Variants in KCNQ5 observed in about 807,000 individuals in gnomAD.
The protein encoded by KCNQ5 is potassium voltage-gated channel subfamily KQT member 5.
A neutral mutation model predicts 98.2 loss-of-function variants in KCNQ5; 30 were observed. The ratio of observed to expected loss-of-function variants is 0.31; its 90% CI spans 0.23 to 0.41. The LOEUF is 0.41. KCNQ5 is among the 10% of genes least tolerant of loss of function. The probability of loss-of-function intolerance (pLI) is 1.00; values close to 1 mark genes in which losing one functional copy is unlikely to be tolerated. For missense variants in KCNQ5, 835 were observed against 1,182.5 expected (o/e 0.71, Z 4.31); for synonymous variants, 458 against 449.4 (o/e 1.02, Z -0.24).
chr6:72,885,988 A>C (rs1359871309), intron 1 of KCNQ5, among the ~76,000 whole-genome samples: 1 of 152,212 alleles, frequency 6.6e-6, no homozygotes, highest in African/African-American at 2.4e-5. Context: ...CCCCAAACCT[A>C]AGTTCACACC....
intron 1 of KCNQ5, among the ~76,000 whole-genome samples, chr6:72,863,463 G>A (rs914490418): frequency 6.6e-6 from 1 of 152,056 alleles, no homozygotes; most frequent in Non-Finnish European, 1.5e-5. Context: ...TCCTGTTTTT[G>A]CATAAGATTG....
intron 1 of KCNQ5, among the ~76,000 whole-genome samples, chr6:72,685,609 T>TA (rs1324323653): frequency 1.3e-5 from 2 of 152,220 alleles, no homozygotes; most frequent in Non-Finnish European, 2.9e-5. Flanking sequence ...TATCATATCA[T>TA]ACACACTGTA....
chr6:72,987,110 T>G, intron 1 of KCNQ5: 1 of 656,986 alleles, frequency 1.5e-6, no homozygotes, highest in Admixed American at 2.4e-5. Flanking sequence ...GGCTCCGGAA[T>G]ACATCCATCC....
intron 1 of KCNQ5, among the ~76,000 whole-genome samples, chr6:72,650,299 A>G (rs1169438434): frequency 6.6e-6 from 1 of 152,160 alleles, no homozygotes; most frequent in Non-Finnish European, 1.5e-5. Flanking sequence ...AGTAACCAAT[A>G]TAAATAGGTA....
At chr6:72,787,357 A>G (rs563380298) in intron 1 of KCNQ5, among the ~76,000 whole-genome samples, 1 of 152,214 alleles carries the variant, frequency 6.6e-6, no homozygotes, top group Non-Finnish European at 1.5e-5. Flanking sequence ...TAGTTACAAC[A>G]GAGACCATAT....
intron 1 of KCNQ5, among the ~76,000 whole-genome samples, chr6:72,996,808 C>A (rs1381638384): frequency 6.6e-6 from 1 of 152,122 alleles, no homozygotes; most frequent in Non-Finnish European, 1.5e-5. Context: ...ACAAACTGGG[C>A]AAACGTAAAG....
intron 1 of KCNQ5, among the ~76,000 whole-genome samples, chr6:72,760,051 G>A (rs1772182483): frequency 6.6e-6 from 1 of 152,136 alleles, no homozygotes; most frequent in Admixed American, 6.6e-5. Flanking sequence ...GAAACATTCA[G>A]CATTTCTTCC....
In KCNQ5 at chr6:72,761,887, T is replaced by G. The variant is rs140279038; in HGVS notation, c.398+139300T>G. On this transcript the variant is annotated intron_variant, in intron 1 of 13. Coordinates refer to ENST00000370398, the MANE Select transcript of KCNQ5 (RefSeq NM_019842.4). Reference sequence around the variant, plus strand: ...GTAGTGGCTAGAAACAAACCTTTGATACGTAGAAGTCCCCCAGATTCCTAG... The same window carrying G: ...GTAGTGGCTAGAAACAAACCTTTGAGACGTAGAAGTCCCCCAGATTCCTAG... Among the ~76,000 whole-genome samples the G allele has an allele frequency of 4.1e-3, 622 of 152,184 alleles. 6 individuals are homozygous for G. The highest frequency in any genetic ancestry group is 0.013 in the African/African-American group (530 of 41,550).
chr6:72,768,269 A>T (rs569984381), intron 1 of KCNQ5, among the ~76,000 whole-genome samples: 1 of 151,854 alleles, frequency 6.6e-6, no homozygotes, highest in Non-Finnish European at 1.5e-5. Flanking sequence ...ATGACTGACT[A>T]TTGAGTTTGG....
At chr6:72,880,992 T>A (rs549451479) in intron 1 of KCNQ5, among the ~76,000 whole-genome samples, 1 of 152,318 alleles carries the variant, frequency 6.6e-6, no homozygotes, top group East Asian at 1.9e-4. Flanking sequence ...GGATTAAAGA[T>A]GTCGACAAGA....
chr6:73,145,538 C>G (rs905789338), intron 10 of KCNQ5, among the ~76,000 whole-genome samples: 1 of 152,194 alleles, frequency 6.6e-6, no homozygotes, highest in Non-Finnish European at 1.5e-5. Context: ...ATTGCATACA[C>G]TACAAATATT....
At chr6:72,831,703 A>G (rs1287968075) in intron 1 of KCNQ5, among the ~76,000 whole-genome samples, 3 of 151,758 alleles carry the variant, frequency 2.0e-5, no homozygotes, top group African/African-American at 4.8e-5. Flanking sequence ...CATTGTGCAC[A>G]TGTACCCTAG....
chr6:72,790,464 T>C (rs1049368629), intron 1 of KCNQ5, among the ~76,000 whole-genome samples: 2 of 152,060 alleles, frequency 1.3e-5, no homozygotes, highest in Non-Finnish European at 2.9e-5. Context: ...ATTGTACTCA[T>C]GGAGATAGAG....
At chr6:72,751,804 T>G (rs1331372596) in intron 1 of KCNQ5, among the ~76,000 whole-genome samples, 1 of 152,126 alleles carries the variant, frequency 6.6e-6, no homozygotes, top group Non-Finnish European at 1.5e-5. Flanking sequence ...CTACCTTTAT[T>G]CATTCATTAT....
At chr6:72,936,453 A>T (rs1217178372) in intron 1 of KCNQ5, among the ~76,000 whole-genome samples, 1 of 152,202 alleles carries the variant, frequency 6.6e-6, no homozygotes, top group Non-Finnish European at 1.5e-5. Context: ...AATATTTATT[A>T]TAAAATTAAT....
At chr6:73,030,798 A>G (rs1771111611) in intron 2 of KCNQ5, among the ~76,000 whole-genome samples, 2 of 152,204 alleles carry the variant, frequency 1.3e-5, no homozygotes, top group Non-Finnish European at 2.9e-5. Context: ...TACCCTGCCA[A>G]TACCCTTTTC....
chr6:73,190,143 CA>C (rs1765535637), intron 11 of KCNQ5, among the ~76,000 whole-genome samples: 1 of 151,574 alleles, frequency 6.6e-6, no homozygotes, highest in Non-Finnish European at 1.5e-5. Context: ...GAGTGTTTTG[CA>C]AACACATTTG....
intron 1 of KCNQ5, among the ~76,000 whole-genome samples, chr6:72,706,161 T>C (rs981075571): frequency 2.0e-5 from 3 of 152,016 alleles, no homozygotes; most frequent in African/African-American, 2.4e-5. Context: ...CTTTTTATCA[T>C]GAATTATTGA....
At chr6:73,178,648 A>G (rs1778301886) in intron 11 of KCNQ5, among the ~76,000 whole-genome samples, 1 of 151,982 alleles carries the variant, frequency 6.6e-6, no homozygotes, top group Admixed American at 6.6e-5. Context: ...ACATTTCTCT[A>G]TCAAGAGTTA....
Sources: gnomAD v4.1 joint callset for allele counts (sites outside exome capture counted in the v4.1 genomes callset) on GRCh38, gnomAD v4.1.1 for gene constraint, MANE v1.5 for transcripts, NCBI Gene and HGNC (gene_info 2026-07-23, HGNC 2026-07-21) for gene names.